Variants in IGF1 observed in about 807,000 individuals in gnomAD.
The protein encoded by IGF1 is insulin-like growth factor 1.
In IGF1, 4 loss-of-function variants were observed where a neutral mutation model predicts 13.8. The ratio of observed to expected loss-of-function variants is 0.29; its 90% confidence interval spans 0.14 to 0.66. IGF1 has a LOEUF of 0.66. IGF1 is among the 30% of genes least tolerant of loss of function. IGF1 has a pLI of 0.78. For synonymous variants in IGF1, 76 were observed against 72.6 expected, an observed-to-expected ratio of 1.05 and a Z score of -0.23; for missense variants, 124 against 188.5, an observed-to-expected ratio of 0.66 and a Z score of 2.00.
chr12:102,467,172 A>G (rs1192205742), intron 2 of IGF1, among the ~76,000 whole-genome samples: 2 of 152,202 alleles, frequency 1.3e-5, no homozygotes, highest in Non-Finnish European at 2.9e-5. Context: ...AGGTAGTACC[A>G]TCTTCCCAGC....
intron 2 of IGF1, among the ~76,000 whole-genome samples, chr12:102,467,180 A>G (rs1426037831): frequency 6.6e-6 from 1 of 152,208 alleles, no homozygotes; most frequent in African/African-American, 2.4e-5. Flanking sequence ...CCATCTTCCC[A>G]GCAATACTCT....
intron 2 of IGF1, among the ~76,000 whole-genome samples, chr12:102,452,261 C>CAAAAAAAAAAAAAAAA (rs538007224): frequency 4.7e-5 from 2 of 42,158 alleles, no homozygotes; most frequent in Non-Finnish European, 7.4e-5. Flanking sequence ...GACTCCGTCT[C>CAAAAAAAAAAAAAAAA]AAAAAAAAAA....
chr12:102,404,604 G>T (rs1873976392), intron 3 of IGF1, among the ~76,000 whole-genome samples: 2 of 152,176 alleles, frequency 1.3e-5, no homozygotes, highest in Admixed American at 1.3e-4. Flanking sequence ...ATGGTAGAAA[G>T]AAACTGGGCA....
chr12:102,456,171 A>C (rs1879375891), intron 2 of IGF1, among the ~76,000 whole-genome samples: 1 of 151,590 alleles, frequency 6.6e-6, no homozygotes, highest in South Asian at 2.1e-4. Context: ...GCCCCCTTTT[A>C]AATTCCTAAC....
chr12:102,421,701 A>C (rs1875738505), intron 2 of IGF1, among the ~76,000 whole-genome samples: 1 of 152,240 alleles, frequency 6.6e-6, no homozygotes, highest in South Asian at 2.1e-4. Context: ...AGAGCTCCAG[A>C]AACTTTCAAA....
Position 102,402,348 on chromosome 12 carries a change from T to C in IGF1, c.*159A>G. On this transcript the variant is annotated 3_prime_UTR_variant, in exon 4 of 4. Transcript: ENST00000337514. ...GTGCAAATCACTCCTAAAGACAATGTTGGAATGTTTACTTGTGTATTTCAT... is the reference window on the plus strand; with the variant it reads ...GTGCAAATCACTCCTAAAGACAATGCTGGAATGTTTACTTGTGTATTTCAT... 1.4e-6 allele frequency: 1 copy of C among 730,400 alleles called. No individual in the cohort carries two copies. The highest frequency in any genetic ancestry group is 2.5e-6 in the Non-Finnish European group (1 of 394,110). 45.2% of individuals were successfully genotyped at this position (730,400 alleles called of 1,614,324 possible).
At chr12:102,458,509 C>T (rs111457835) in intron 2 of IGF1, among the ~76,000 whole-genome samples, 19 of 152,034 alleles carry the variant, frequency 1.2e-4, no homozygotes, top group Admixed American at 1.2e-3. Flanking sequence ...GGAGGCCTTC[C>T]GACTCAGCCA....
chr12:102,458,730 C>CAAAAA (rs397825972), intron 2 of IGF1, among the ~76,000 whole-genome samples: 12 of 73,430 alleles, frequency 1.6e-4, no homozygotes, highest in Admixed American at 2.2e-4. Flanking sequence ...GAACACTGAC[C>CAAAAA]AAAAAAAAAA....
rs1873334635 is a variant in IGF1, at chr12:102,397,734, A to G, written c.*4773T>C. 1 of 152,154 alleles carries G rather than the reference A, an allele frequency of 6.6e-6. No individual in the cohort carries two copies. The highest frequency in any genetic ancestry group is 2.4e-5 in the African/African-American group (1 of 41,444). The allele number at this position is 152,154 out of a possible 1,614,324, so 9.4% of individuals were successfully genotyped here. A position where few individuals can be genotyped will look rare whatever the true frequency, so the allele number is the denominator to read the frequency against. On this transcript the variant is annotated 3_prime_UTR_variant, in exon 4 of 4. Transcript: ENST00000337514. ...TGGTCTTTGCAAGGGAGGGGCATAAACTTTCACAATTCTTCTGTTTTAAAA... is the reference window on the plus strand; with the variant it reads ...TGGTCTTTGCAAGGGAGGGGCATAAGCTTTCACAATTCTTCTGTTTTAAAA...
intron 2 of IGF1, among the ~76,000 whole-genome samples, chr12:102,434,803 C>T (rs1416298911): frequency 1.3e-5 from 2 of 151,450 alleles, no homozygotes; most frequent in East Asian, 2.0e-4. Context: ...TCCTCTCCAG[C>T]ACCTGTTGTT....
At chr12:102,419,312 C>T (rs778754003) in intron 3 of IGF1, among the ~76,000 whole-genome samples, 197 bp downstream of exon 3, 6 of 152,190 alleles carry the variant, frequency 3.9e-5, no homozygotes, top group Non-Finnish European at 8.8e-5. Flanking sequence ...ATCATCACAT[C>T]GTCCATAGCG....
chr12:102,479,769 T>C (rs918284343), intron 1 of IGF1, among the ~76,000 whole-genome samples: 5 of 152,222 alleles, frequency 3.3e-5, no homozygotes, highest in Admixed American at 2.0e-4. Flanking sequence ...ACACTCTCTC[T>C]GGGCATAAGT....
rs1007001245 is a variant in IGF1 at position 102,396,794 on chromosome 12, T to C, written c.*5713A>G. On this transcript the variant is annotated 3_prime_UTR_variant, in exon 4 of 4. Transcript: ENST00000337514. Reference sequence around the variant, plus strand: ...ATTTGGTTTTGTGTCCTCTCTTTTTTTTTTTTTACTTTAAAAAAGCTTGGA... The same window carrying C: ...ATTTGGTTTTGTGTCCTCTCTTTTTCTTTTTTTACTTTAAAAAAGCTTGGA... 2 of 397,998 alleles carry C rather than the reference T, an allele frequency of 5.0e-6. No homozygotes were observed. The highest frequency in any genetic ancestry group is 4.1e-5 in the African/African-American group (2 of 48,692). 24.7% of individuals were successfully genotyped at this position (397,998 alleles called of 1,614,324 possible). A position where few individuals can be genotyped will look rare whatever the true frequency, so the allele number is the denominator to read the frequency against.
At chr12:102,409,956 A>G (rs903457135) in intron 3 of IGF1, among the ~76,000 whole-genome samples, 2 of 152,206 alleles carry the variant, frequency 1.3e-5, no homozygotes, top group African/African-American at 4.8e-5. Context: ...AATGTGGGGA[A>G]ACAGTAGCTA....
chr12:102,414,796 T>A (rs1874944667), intron 3 of IGF1, among the ~76,000 whole-genome samples: 1 of 152,208 alleles, frequency 6.6e-6, no homozygotes, highest in South Asian at 2.1e-4. Context: ...TTGCACATTG[T>A]AGATGCCCAA....
At chr12:102,439,874 G>A (rs533510643) in intron 2 of IGF1, among the ~76,000 whole-genome samples, 1 of 152,278 alleles carries the variant, frequency 6.6e-6, no homozygotes, top group East Asian at 1.9e-4. Flanking sequence ...GACTAGACAA[G>A]GGTAAACAGA....
At chr12:102,441,956 T>TTCTTCTTC (rs1491200329) in intron 2 of IGF1, among the ~76,000 whole-genome samples, 3 of 140,560 alleles carry the variant, frequency 2.1e-5, no homozygotes, top group African/African-American at 5.4e-5. Flanking sequence ...CTTCTTCTTC[T>TTCTTCTTC]TTTTTTTTTT....
Position 102,476,227 on chromosome 12 carries a change from A to G in IGF1, c.64-428T>C, listed in dbSNP as rs529349664. ...ATTTGGGGCCAAATAAGTTTTGTTAATTTAAATTCTCTCAATATTGGCCAT... is the reference window on the plus strand; with the variant it reads ...ATTTGGGGCCAAATAAGTTTTGTTAGTTTAAATTCTCTCAATATTGGCCAT... On this transcript the variant is annotated intron_variant, in intron 1 of 3. Coordinates refer to ENST00000337514, the MANE Select transcript of IGF1 (RefSeq NM_000618.5). Among the ~76,000 whole-genome samples, 3 of 152,330 alleles carry G rather than the reference A, an allele frequency of 2.0e-5. No homozygotes were observed. In the South Asian group the frequency reaches 6.2e-4, roughly 32 times the overall value.
rs59075811 is a variant in IGF1 at position 102,456,221 on chromosome 12, GGTGTGTGTGTGTGTGTGT to G, written c.220+19404_220+19421del. ...TATTCAATTTTTTCCATTTAAAAAA[GGTGTGTGTGTGTGTGTGT>G]GTGTGTGTGTGTGTGTGTGTGTGTG... On this transcript the variant is annotated intron_variant, in intron 2 of 3. Transcript: ENST00000337514. 4.3e-3 allele frequency among the ~76,000 whole-genome samples: 609 copies of G among 140,272 alleles called. 3 individuals are homozygous for G. The highest frequency in any genetic ancestry group is 0.014 in the African/African-American group (542 of 37,866). The allele number at this position is 140,272 out of a possible 152,430, so 92.0% of individuals were successfully genotyped here.
Sources: allele counts gnomAD v4.1 joint callset (sites outside exome capture counted in the v4.1 genomes callset), GRCh38; gene constraint gnomAD v4.1.1; transcripts MANE v1.5; gene names NCBI Gene and HGNC (gene_info 2026-07-23, HGNC 2026-07-21).